Variants in RDM1 observed in about 807,000 individuals in gnomAD.
RDM1 encodes the protein RAD52 motif-containing protein 1.
A neutral mutation model predicts 27.7 loss-of-function variants in RDM1; 28 were observed. The ratio of observed to expected loss-of-function variants is 1.01; its 90% CI spans 0.75 to 1.39. The LOEUF (loss-of-function observed/expected upper bound fraction) is 1.39, where lower values mean the gene tolerates loss of function less well. Ranked by LOEUF, RDM1 falls within the 40% of genes most tolerant of loss-of-function variation. RDM1 has a pLI of 0.00. For missense variants in RDM1, 277 were observed against 337.3 expected (o/e 0.82, Z 1.40); for synonymous variants, 124 against 127.5 (o/e 0.97, Z 0.19).
chr17:35,925,815 C>T (rs1191665399), intron 2 of RDM1, among the ~76,000 whole-genome samples, 178 bp from the exon 3 acceptor site: 1 of 152,070 alleles, frequency 6.6e-6, no homozygotes, highest in Non-Finnish European at 1.5e-5. Context: ...CCACCCATCC[C>T]CCTCCCCAAG....
chr17:35,927,304 G>A (rs2089187427), intron 2 of RDM1, among the ~76,000 whole-genome samples: 1 of 152,054 alleles, frequency 6.6e-6, no homozygotes, highest in Non-Finnish European at 1.5e-5. Flanking sequence ...GCTGGGCGTG[G>A]TGGTGCACGC....
rs571216493 is a variant in RDM1, at chr17:35,927,500, C to G, written c.277-1863G>C. Among the ~76,000 whole-genome samples the G allele has an allele frequency of 2.6e-5, 4 of 152,040 alleles. No individual in the cohort carries two copies. The East Asian group carries it at 7.7e-4, about 29-fold the overall frequency. ...AAAACCCAAAAAGCAAAAACAAAAC[C>G]CTCTCAGGTGCCTTAGGCCTTTCCT... On this transcript the variant is annotated intron_variant, in intron 2 of 6. Coordinates refer to ENST00000620284, the MANE Select transcript of RDM1 (RefSeq NM_145654.4).
chr17:35,918,086 T>C lies in RDM1; in HGVS notation c.*256A>G. The C allele has an allele frequency of 5.3e-6, 3 of 562,374 alleles. No individual in the cohort carries two copies. Among genetic ancestry groups the C allele is most frequent in the East Asian group, 5.9e-5 (2 of 33,926 alleles). 34.8% of individuals were successfully genotyped at this position (562,374 alleles called of 1,614,324 possible). On this transcript the variant is annotated 3_prime_UTR_variant, in exon 7 of 7. Transcript: ENST00000620284. ...GTCCGTTATTTACCATATCTTTATC[T>C]AGGCAACCTTTATTAAGTTCCGTTC... is the stretch of plus-strand genomic sequence containing the variant.
chr17:35,924,545 A>G, intron 4 of RDM1, 59 bp downstream of exon 4: 1 of 1,522,916 alleles, frequency 6.6e-7, no homozygotes, highest in Non-Finnish European at 8.9e-7. Context: ...AGTAAGAAAA[A>G]AAGAAAGATC....
intron 2 of RDM1, among the ~76,000 whole-genome samples, chr17:35,927,159 G>T (rs1446466683): frequency 6.7e-6 from 1 of 149,688 alleles, no homozygotes; most frequent in East Asian, 2.0e-4. Context: ...AAACCCTCTT[G>T]GCCGGGCACG....
At position 35,922,661 on chromosome 17, in the gene RDM1, G is replaced by A; in HGVS notation, c.583C>T (p.Leu195Phe). 1.2e-6 allele frequency: 2 copies of A among 1,606,450 alleles called. No individual in the cohort carries two copies. The highest frequency in any genetic ancestry group is 1.7e-6 in the Non-Finnish European group (2 of 1,178,390). ...DKVEEGPLSF[L>F]MKRKTAQKLA... ...TTCTGGGCTGTCTTCCTTTTCATAA[G>A]GAATGATAATGGTCCTAAATCCAAC... The change falls in exon 5 of 7, where the codon CTT becomes TTT. Residue 195 changes from leucine (L) to phenylalanine (F), a missense_variant. Leu to Phe is a conservative substitution (Grantham distance 22). Coordinates refer to ENST00000620284, the MANE Select transcript of RDM1 (RefSeq NM_145654.4).
chr17:35,927,290 A>C (rs1470489938), intron 2 of RDM1, among the ~76,000 whole-genome samples: 1 of 152,050 alleles, frequency 6.6e-6, no homozygotes, highest in Non-Finnish European at 1.5e-5. Context: ...AAATACAAAA[A>C]TTAGCTGGGC....
intron 2 of RDM1, among the ~76,000 whole-genome samples, chr17:35,926,943 T>G (rs1050463945): frequency 6.6e-6 from 1 of 151,624 alleles, no homozygotes; most frequent in Non-Finnish European, 1.5e-5. Flanking sequence ...GGGAAAGAAA[T>G]AAAGACCAGT....
At position 35,921,918 on chromosome 17, in the gene RDM1, CTTTTTTT is replaced by C. The variant is rs755056334; in HGVS notation, c.667+652_667+658del. Among the ~76,000 whole-genome samples the C allele has an allele frequency of 1.7e-3, 201 of 116,016 alleles. 1 individual carries two copies. Among genetic ancestry groups the C allele is most frequent in the African/African-American group, 6.3e-3 (196 of 31,112 alleles). The allele number at this position is 116,016 out of a possible 152,430, so 76.1% of individuals were successfully genotyped here. ...AAGACCTAAAATTGCATTAAAAAATCTTTTTTTTTTTTTTTTTTTTGAGATGGAGTCT... is the reference window on the plus strand; with the variant it reads ...AAGACCTAAAATTGCATTAAAAAATCTTTTTTTTTTTTTGAGATGGAGTCT... On this transcript the variant is annotated intron_variant, in intron 5 of 6. Transcript: ENST00000620284.
At chr17:35,929,355 G>C (rs1000637661) in intron 2 of RDM1, among the ~76,000 whole-genome samples, 3 of 152,154 alleles carry the variant, frequency 2.0e-5, no homozygotes, top group African/African-American at 7.2e-5. Flanking sequence ...CAAACTCCTG[G>C]GCTCAAGCGA....
In RDM1 at chr17:35,918,288, C is replaced by T. The variant is rs1291326367; in HGVS notation, c.*54G>A. The T allele has an allele frequency of 4.6e-6, 7 of 1,519,514 alleles. No homozygotes were observed. Among genetic ancestry groups the T allele is most frequent in the East Asian group, 2.3e-5 (1 of 44,412 alleles). 94.1% of individuals were successfully genotyped at this position (1,519,514 alleles called of 1,614,324 possible). A position where few individuals can be genotyped will look rare whatever the true frequency, so the allele number is the denominator to read the frequency against. ...GGTGGGGCGGCGTGGGGTAGGGGCA[C>T]GACAGAGCTTCCCAAGGAAGTTACA... is the stretch of plus-strand genomic sequence containing the variant. On this transcript the variant is annotated 3_prime_UTR_variant, in exon 7 of 7. Coordinates refer to ENST00000620284, the MANE Select transcript of RDM1 (RefSeq NM_145654.4).
Position 35,930,133 on chromosome 17 carries a change from G to T in RDM1, c.219C>A (p.Ala73=). The T allele has an allele frequency of 1.2e-6, 2 of 1,614,182 alleles. No homozygotes were observed. The highest frequency in any genetic ancestry group is 1.7e-6 in the Non-Finnish European group (2 of 1,180,034). The change falls in exon 2 of 7, where the codon GCC becomes GCA. Residue 73 remains alanine (A), a synonymous_variant. Coordinates refer to ENST00000620284, the MANE Select transcript of RDM1 (RefSeq NM_145654.4). The part of the protein sequence containing the change: ...AVIKFYSARA[A]HRAQKACDRK... ...GGTCGCATGCCTTTTGGGCTCTGTG[G>T]GCAGCCCTTGCAGAATAAAACTTAA... is the stretch of plus-strand genomic sequence containing the variant.
intron 2 of RDM1, among the ~76,000 whole-genome samples, chr17:35,925,922 C>G (rs1022332190): frequency 1.3e-5 from 2 of 152,064 alleles, no homozygotes; most frequent in African/African-American, 4.8e-5. Flanking sequence ...ATCACAAAGT[C>G]AGGATATCGA....
chr17:35,922,495 T>G, intron 5 of RDM1, 82 bp downstream of exon 5: 1 of 1,550,768 alleles, frequency 6.4e-7, no homozygotes, highest in Non-Finnish European at 8.7e-7. Context: ...GATATCAATA[T>G]TTTTATTCAA....
chr17:35,929,529 C>T, intron 2 of RDM1, among the ~76,000 whole-genome samples: 1 of 152,278 alleles, frequency 6.6e-6, no homozygotes. Context: ...GCAGCCTCCA[C>T]CTCCTGGGTT....
intron 4 of RDM1, among the ~76,000 whole-genome samples, 179 bp from the exon 5 acceptor site, chr17:35,922,854 T>C (rs2088995544): frequency 6.6e-6 from 1 of 152,204 alleles, no homozygotes; most frequent in Admixed American, 6.5e-5. Context: ...GGCCCATTTT[T>C]ACTACCTCCA....
chr17:35,927,364 C>G (rs1001804946), intron 2 of RDM1, among the ~76,000 whole-genome samples: 2 of 151,844 alleles, frequency 1.3e-5, no homozygotes, highest in African/African-American at 4.8e-5. Flanking sequence ...CAATTAAACC[C>G]GGGAGGCAGA....
At chr17:35,928,014 AAGAGGGCATTG>A (rs1389649231) in intron 2 of RDM1, among the ~76,000 whole-genome samples, 11 of 152,202 alleles carry the variant, frequency 7.2e-5, no homozygotes, top group African/African-American at 2.4e-4. Context: ...TGAACAGGCT[AAGAGGGCATTG>A]AACAGGCTAC....
chr17:35,925,106 C>T (rs755866305), intron 3 of RDM1, among the ~76,000 whole-genome samples: 5 of 152,052 alleles, frequency 3.3e-5, no homozygotes, highest in Non-Finnish European at 5.9e-5. Flanking sequence ...TGCACTCCAG[C>T]CTGATGACAC....
Sources: allele counts gnomAD v4.1 joint callset (sites outside exome capture counted in the v4.1 genomes callset), GRCh38; gene constraint gnomAD v4.1.1; transcripts MANE v1.5; gene names NCBI Gene and HGNC (gene_info 2026-07-23, HGNC 2026-07-21).